ZNF658: variants seen among roughly 807,000 people sequenced by gnomAD.
The protein encoded by ZNF658 is zinc finger protein 658.
Under a neutral mutation model 78.0 loss-of-function variants are expected in ZNF658, and 46 were observed. The ratio of observed to expected loss-of-function variants is 0.59; its 90% CI spans 0.47 to 0.75. ZNF658 has a LOEUF of 0.75. ZNF658 is among the 30% of genes least tolerant of loss of function. The pLI is 0.00. For missense variants in ZNF658, 785 were observed against 1,189.3 expected (o/e 0.66, Z 5.00); for synonymous variants, 279 against 408.4 (o/e 0.68, Z 3.82).
chr9:66,927,985 TAA>T (rs1051570111), intron 6 of ZNF658, among the ~76,000 whole-genome samples: 20 of 99,650 alleles, frequency 2.0e-4, no homozygotes, highest in Non-Finnish European at 3.2e-4. Flanking sequence ...AAAAATCTCA[TAA>T]GAGAGTAGAT....
intron 4 of ZNF658, among the ~76,000 whole-genome samples, chr9:66,915,507 C>T (rs1430510239): frequency 6.6e-6 from 1 of 150,734 alleles, no homozygotes; most frequent in Non-Finnish European, 1.5e-5. Flanking sequence ...GGTCTGTAAA[C>T]CAGAAGAGGT....
rs1347336783 is a variant in ZNF658 at position 66,918,802 on chromosome 9, C to T, written c.1236C>T (p.Tyr412=). The part of the protein sequence containing the change: ...HQRPHSGEKT[Y]QYEECAKSFC... ...GGCCCCACTCAGGAGAGAAAACTTA[C>T]CAATATGAGGAATGTGCAAAATCCT... Residue 412 remains tyrosine, a synonymous_variant, in exon 5 of 5, where the codon TAC becomes TAT. Transcript: ENST00000621410. 8.7e-6 allele frequency: 14 copies of T among 1,613,656 alleles called. No individual in the cohort carries two copies. Among genetic ancestry groups the T allele is most frequent in the Non-Finnish European group, 1.1e-5 (13 of 1,179,800 alleles).
Position 66,908,321 on chromosome 9 carries a change from C to T in ZNF658, c.99C>T (p.Tyr33=). ...TGGGCCCTGTCGAGAGGACGCTGTA[C>T]AGAGATGTGATGCTGGAGAACTACA... The part of the protein sequence containing the change: ...QHLGPVERTL[Y]RDVMLENYSH... The change falls in exon 3 of 5, where the codon TAC becomes TAT. Residue 33 remains tyrosine (Y), a synonymous_variant. Transcript: ENST00000621410. The T allele has an allele frequency of 6.2e-7, 1 of 1,614,080 alleles. No individual in the cohort carries two copies. The highest frequency in any genetic ancestry group is 8.5e-7 in the Non-Finnish European group (1 of 1,180,000).
chr9:66,925,682 T>C (rs553618195), downstream of ZNF658, among the ~76,000 whole-genome samples: 7 of 152,182 alleles, frequency 4.6e-5, no homozygotes, highest in African/African-American at 1.4e-4. Flanking sequence ...TTAATACCAA[T>C]CATTTTAAAA....
chr9:66,903,407 C>T (rs200613717), intron 1 of ZNF658, 111 bp from the exon 2 acceptor site: 27 of 699,160 alleles, frequency 3.9e-5, no homozygotes, highest in East Asian at 1.3e-4. Flanking sequence ...GGGGTTATGT[C>T]GCAGTAAAAC....
intron 2 of ZNF658, among the ~76,000 whole-genome samples, chr9:66,906,024 AGTT>A (rs1001683962): frequency 2.1e-4 from 31 of 147,006 alleles, no homozygotes; most frequent in Admixed American, 1.2e-3. Flanking sequence ...GATTTGCAGG[AGTT>A]GTTGTTGAAA....
chr9:66,908,616 C>T (rs1447419752), intron 3 of ZNF658, 23 bp from the exon 4 acceptor site: 7 of 1,563,234 alleles, frequency 4.5e-6, no homozygotes, highest in Middle Eastern at 2.0e-4. Context: ...GAATCTGGTC[C>T]ATGTCAATTA....
chr9:66,928,424 AATT>A lies in ZNF658; in HGVS notation c.*55-3593_*55-3591del, dbSNP rs1033876987. Among the ~76,000 whole-genome samples, 17 of 150,854 alleles carry A rather than the reference AATT, an allele frequency of 1.1e-4. No individual in the cohort carries two copies. The East Asian group carries it at 1.6e-3, about 14-fold the overall frequency. On this transcript the variant is annotated intron_variant and NMD_transcript_variant, in intron 6 of 6. Transcript: ENST00000622180. ...AACTATCAGAAATTAATATGCTACT[AATT>A]ATTATTAACTAATAAGCTGATAAAG... is the stretch of plus-strand genomic sequence containing the variant.
rs759744353 is a variant in ZNF658 at position 66,918,196 on chromosome 9, T to A, written c.630T>A (p.Thr210=). 3.1e-6 allele frequency: 5 copies of A among 1,606,150 alleles called. No individual in the cohort carries two copies. In the South Asian group the frequency reaches 5.6e-5, roughly 18 times the overall value. ...AAGATCAGCATTGGAAATTTCAAAC[T>A]TTGGAGGAATCTTTTGAATGTGATG... is the stretch of plus-strand genomic sequence containing the variant. ...YKKDQHWKFQ[T]LEESFECDGS... Residue 210 remains threonine, a synonymous_variant, in exon 5 of 5, where the codon ACT becomes ACA. Coordinates refer to ENST00000621410, the MANE Select transcript of ZNF658 (RefSeq NM_033160.7).
At chr9:66,907,611 GTCTT>G (rs1360356986) in intron 2 of ZNF658, among the ~76,000 whole-genome samples, 4 of 151,942 alleles carry the variant, frequency 2.6e-5, no homozygotes, top group Non-Finnish European at 4.4e-5. Context: ...TGAAATATTT[GTCTT>G]TCTGTCAATT....
downstream of ZNF658, among the ~76,000 whole-genome samples, chr9:66,922,020 CTTTG>C (rs1221127593): frequency 2.2e-5 from 2 of 89,376 alleles, no homozygotes; most frequent in South Asian, 4.7e-4. Context: ...TTCCTGGCCT[CTTTG>C]TTTATGTACT....
At chr9:66,925,910 C>T (rs1276792157), downstream of ZNF658, among the ~76,000 whole-genome samples, 2 of 146,318 alleles carry the variant, frequency 1.4e-5, no homozygotes, top group African/African-American at 4.9e-5. Flanking sequence ...TGGGATTTAT[C>T]CCTGAGTTGC....
chr9:66,930,605 C>T (rs1178158539), intron 6 of ZNF658, among the ~76,000 whole-genome samples: 2 of 151,858 alleles, frequency 1.3e-5, no homozygotes, highest in African/African-American at 2.4e-5. Flanking sequence ...GTCAAGAGAT[C>T]GAGACCATTC....
intron 3 of ZNF658, 39 bp from the exon 4 acceptor site, chr9:66,908,600 G>A (rs765803916): frequency 6.5e-7 from 1 of 1,549,596 alleles, no homozygotes; most frequent in African/African-American, 1.4e-5. Flanking sequence ...AAATCCAAAA[G>A]CCTGTGAATC....
rs148576704 is a variant in ZNF658, at chr9:66,920,381, G to C, written c.2815G>C (p.Glu939Gln). The part of the protein sequence containing the change: ...QRVHTGEKPY[E>Q]CNVCGKPFAH... The stretch of plus-strand genomic sequence containing the variant: ...AGTTCATACGGGGGAGAAACCCTAC[G>C]AATGTAATGTATGTGGGAAGCCATT... The change falls in exon 5 of 5, where the codon GAA becomes CAA. Residue 939 changes from glutamate (E) to glutamine (Q), a missense_variant. Glu to Gln is a conservative substitution (Grantham distance 29). This residue lies in a region of ZNF658 where 85 missense variants were observed against 108.6 expected (regional missense o/e 0.78). Coordinates refer to ENST00000621410, the MANE Select transcript of ZNF658 (RefSeq NM_033160.7). 9.5e-4 allele frequency: 1,527 copies of C among 1,612,884 alleles called. 5 individuals are homozygous for C. Among genetic ancestry groups the C allele is most frequent in the Non-Finnish European group, 1.0e-3 (1,230 of 1,179,852 alleles).
At chr9:66,902,087 G>A (rs979125241) in intron 1 of ZNF658, among the ~76,000 whole-genome samples, 1 of 151,740 alleles carries the variant, frequency 6.6e-6, no homozygotes, top group Non-Finnish European at 1.5e-5. Flanking sequence ...GGTGTTCAAT[G>A]GTTCTATGTG....
Position 66,920,981 on chromosome 9 carries a change from A to G in ZNF658, c.*235A>G. The stretch of plus-strand genomic sequence containing the variant: ...AAAACCCTCACAGTCTTCCTGGTTC[A>G]TAAGATGGATTTGGAGGTTATTTCT... On this transcript the variant is annotated 3_prime_UTR_variant, in exon 5 of 5. Coordinates refer to ENST00000621410, the MANE Select transcript of ZNF658 (RefSeq NM_033160.7). 1 of 581,666 alleles carries G rather than the reference A, an allele frequency of 1.7e-6. No homozygotes were observed. The highest frequency in any genetic ancestry group is 3.1e-6 in the Non-Finnish European group (1 of 327,290). The allele number at this position is 581,666 out of a possible 1,614,324, so 36.0% of individuals were successfully genotyped here. A position where few individuals can be genotyped will look rare whatever the true frequency, so the allele number is the denominator to read the frequency against.
chr9:66,911,605 A>G (rs1320477552), intron 4 of ZNF658, among the ~76,000 whole-genome samples: 2 of 96,490 alleles, frequency 2.1e-5, no homozygotes, highest in Non-Finnish European at 2.0e-5. Flanking sequence ...CAAGAAAAAT[A>G]AAATGAATTA....
At chr9:66,910,805 A>T (rs1280642186) in intron 4 of ZNF658, among the ~76,000 whole-genome samples, 13 of 12,714 alleles carry the variant, frequency 1.0e-3, no homozygotes, top group African/African-American at 4.0e-3. Flanking sequence ...CAAAAAATTA[A>T]AAAAAAAAAA....
Sources: gnomAD v4.1 joint callset for allele counts (sites outside exome capture counted in the v4.1 genomes callset) on GRCh38, gnomAD v4.1.1 for gene constraint, gnomAD v4.1.1 regional missense constraint, MANE v1.5 for transcripts, NCBI Gene and HGNC (gene_info 2026-07-23, HGNC 2026-07-21) for gene names.